The following PITRM1 variants were observed in gnomAD, a reference collection of about 807,000 sequenced individuals.
PITRM1 encodes the protein presequence protease, mitochondrial.
PITRM1 carries 100 observed loss-of-function variants against 129.9 expected under a neutral mutation model. The ratio of observed to expected loss-of-function variants is 0.77; its 90% CI spans 0.65 to 0.91. PITRM1 has a LOEUF of 0.91. PITRM1 is among the 40% of genes least tolerant of loss of function. The pLI is 0.00. For synonymous variants in PITRM1, 591 were observed against 508.8 expected (o/e 1.16, Z -2.17); for missense variants, 1,471 against 1,318.3 (o/e 1.12, Z -1.79).
intron 1 of PITRM1, among the ~76,000 whole-genome samples, chr10:3,171,171 A>AC (rs1564444438): frequency 1.4e-5 from 2 of 139,570 alleles, no homozygotes; most frequent in East Asian, 2.1e-4. Flanking sequence ...AAAAAAAAAA[A>AC]AAAAAAAAAA....
At chr10:3,167,064 G>T in intron 2 of PITRM1, 22 bp from the exon 3 acceptor site, 2 of 1,472,244 alleles carry the variant, frequency 1.4e-6, no homozygotes, top group South Asian at 1.2e-5. Context: ...AGAAAAACAC[G>T]ACCAGTTAAA....
At chr10:3,147,309 T>G in intron 19 of PITRM1, 59 bp from the exon 20 acceptor site, 1 of 1,261,948 alleles carries the variant, frequency 7.9e-7, no homozygotes, top group East Asian at 2.3e-5. Context: ...CCGCTGAGTC[T>G]GAACCAAGCA....
At chr10:3,147,308 C>A in intron 19 of PITRM1, 58 bp from the exon 20 acceptor site, 2 of 1,262,164 alleles carry the variant, frequency 1.6e-6, no homozygotes, top group South Asian at 2.4e-5. Context: ...CCCGCTGAGT[C>A]TGAACCAAGC....
intron 16 of PITRM1, 83 bp downstream of exon 16, chr10:3,149,538 A>G (rs552827223): frequency 1.5e-6 from 2 of 1,335,600 alleles, no homozygotes; most frequent in Non-Finnish European, 2.0e-6. Context: ...CACTGAAGGT[A>G]ATTCCTACTG....
chr10:3,165,405 T>G lies in PITRM1; in HGVS notation c.533+8A>C. 1 of 1,610,190 alleles carries G rather than the reference T, an allele frequency of 6.2e-7. No homozygotes were observed. Among genetic ancestry groups the G allele is most frequent in the Non-Finnish European group, 8.5e-7 (1 of 1,177,584 alleles). On this transcript the variant is annotated splice_region_variant and intron_variant, in intron 5 of 26. Coordinates refer to ENST00000224949, the MANE Select transcript of PITRM1 (RefSeq NM_014889.4). ...TCTGTATCAACTAGTTAATCATTCATGACATACCAGAAATCCAGCTCGCGT... is the reference window on the plus strand; with the variant it reads ...TCTGTATCAACTAGTTAATCATTCAGGACATACCAGAAATCCAGCTCGCGT...
At chr10:3,170,054 C>G in intron 2 of PITRM1, 50 bp downstream of exon 2, 1 of 1,382,924 alleles carries the variant, frequency 7.2e-7, no homozygotes, top group South Asian at 1.2e-5. Context: ...CCAGAAGCCG[C>G]ACCTGCAATG....
In PITRM1 at chr10:3,163,683, C is replaced by A. The variant is rs770594333; in HGVS notation, c.791+42G>T. ...ACTGTTAAGAACACAAACAAGTCAACTTTTCACAATCCACCATCAAACTTT... is the reference window on the plus strand; with the variant it reads ...ACTGTTAAGAACACAAACAAGTCAAATTTTCACAATCCACCATCAAACTTT... On this transcript the variant is annotated intron_variant, in intron 7 of 26. Transcript: ENST00000224949. The A allele has an allele frequency of 3.2e-6, 5 of 1,541,542 alleles. No individual in the cohort carries two copies. In the African/African-American group the frequency reaches 6.9e-5, roughly 21 times the overall value.
chr10:3,138,833 G>A (rs756544202), intron 25 of PITRM1, 71 bp downstream of exon 25: 55 of 1,470,350 alleles, frequency 3.7e-5, no homozygotes, highest in Middle Eastern at 3.4e-4. Context: ...CATGCATGCC[G>A]GGAACTTGGA....
At chr10:3,156,402 A>G (rs1199022285) in intron 13 of PITRM1, among the ~76,000 whole-genome samples, 1 of 152,242 alleles carries the variant, frequency 6.6e-6, no homozygotes, top group Non-Finnish European at 1.5e-5. Flanking sequence ...TTATTAAATC[A>G]TATCTCATGT....
Position 3,140,162 on chromosome 10 carries a change from G to A in PITRM1, c.2771+525C>T, listed in dbSNP as rs988876864. Among the ~76,000 whole-genome samples the A allele has an allele frequency of 5.3e-5, 8 of 152,266 alleles. No homozygotes were observed. The East Asian group carries it at 5.8e-4, about 11-fold the overall frequency. On this transcript the variant is annotated intron_variant, in intron 24 of 26. Transcript: ENST00000224949. ...ACAATTATACTGTAATAAAAGTTAC[G>A]CTGATGGGCTACTATTAAGTAAAAC... is the stretch of plus-strand genomic sequence containing the variant.
chr10:3,164,598 T>C (rs970049410), intron 6 of PITRM1, among the ~76,000 whole-genome samples: 7 of 152,204 alleles, frequency 4.6e-5, no homozygotes, highest in Non-Finnish European at 1.0e-4. Context: ...AAATGCGTTT[T>C]AATGAGGACC....
intron 2 of PITRM1, among the ~76,000 whole-genome samples, chr10:3,168,170 G>A (rs1479411550): frequency 6.6e-6 from 1 of 152,006 alleles, no homozygotes; most frequent in East Asian, 1.9e-4. Flanking sequence ...GTCAGACCTC[G>A]GGTCTCCTCA....
At chr10:3,150,253 G>C (rs1459205125) in intron 15 of PITRM1, among the ~76,000 whole-genome samples, 2 of 150,908 alleles carry the variant, frequency 1.3e-5, no homozygotes, top group Non-Finnish European at 3.0e-5. Flanking sequence ...CTACCTAGCA[G>C]AGCACCCTAG....
At chr10:3,146,950 G>T in intron 20 of PITRM1, 200 bp downstream of exon 20, 1 of 398,304 alleles carries the variant, frequency 2.5e-6, no homozygotes. Flanking sequence ...CACAAAATTA[G>T]CCTGCTTTCT....
In PITRM1 at chr10:3,148,093, A is replaced by AT. The variant is rs765614163; in HGVS notation, c.1993-31dup. On this transcript the variant is annotated intron_variant, in intron 17 of 26. Coordinates refer to ENST00000224949, the MANE Select transcript of PITRM1 (RefSeq NM_014889.4). Reference sequence around the variant, plus strand: ...ACCAAAGAAAACACAGAAGAAAGGAATTAGGGCCGAATCGAACAGTGACAG... The same window carrying AT: ...ACCAAAGAAAACACAGAAGAAAGGAATTTAGGGCCGAATCGAACAGTGACAG... 3 of 1,613,716 alleles carry AT rather than the reference A, an allele frequency of 1.9e-6. No homozygotes were observed. The South Asian group carries it at 3.3e-5, about 18-fold the overall frequency.
chr10:3,140,280 C>A (rs1483585313), intron 24 of PITRM1, among the ~76,000 whole-genome samples: 1 of 152,214 alleles, frequency 6.6e-6, no homozygotes, highest in Non-Finnish European at 1.5e-5. Flanking sequence ...CCGTAGACAG[C>A]GTCAGCTTTC....
At position 3,158,953 on chromosome 10, in the gene PITRM1, A is replaced by G. The variant is rs1807827104; in HGVS notation, c.1097T>C (p.Ile366Thr). 6.2e-7 allele frequency: 1 copy of G among 1,613,944 alleles called. No individual in the cohort carries two copies. Among genetic ancestry groups the G allele is most frequent in the Non-Finnish European group, 8.5e-7 (1 of 1,179,828 alleles). ...GPNSPFYKAL[I>T]ESGLGTDFSP... ...AAAGTCTGTGCCAAGGCCAGATTCA[A>G]TCAAGGCTTTGTAAAAGGGAGAATT... Residue 366 changes from isoleucine to threonine, a missense_variant, in exon 10 of 27, where the codon ATT (isoleucine) becomes ACT (threonine). Coordinates refer to ENST00000224949, the MANE Select transcript of PITRM1 (RefSeq NM_014889.4).
intron 24 of PITRM1, among the ~76,000 whole-genome samples, 186 bp downstream of exon 24, chr10:3,140,501 T>G (rs905678468): frequency 2.0e-5 from 3 of 152,212 alleles, no homozygotes; most frequent in African/African-American, 7.2e-5. Flanking sequence ...TTTCGGCTGC[T>G]GGCCCTAATC....
chr10:3,163,487 G>A (rs1344350760), intron 7 of PITRM1: 1 of 332,602 alleles, frequency 3.0e-6, no homozygotes, highest in Non-Finnish European at 5.5e-6. Context: ...ACCCTCCTCT[G>A]GGGGACTCTA....
Sources: gnomAD v4.1 joint callset for allele counts (sites outside exome capture counted in the v4.1 genomes callset) on GRCh38, gnomAD v4.1.1 for gene constraint, MANE v1.5 for transcripts, NCBI Gene and HGNC (gene_info 2026-07-23, HGNC 2026-07-21) for gene names.